C11orf65: variants seen among roughly 807,000 people sequenced by gnomAD.
C11orf65 encodes chromosome 11 open reading frame 65, also known as protein MFI.
A neutral mutation model predicts 35.3 loss-of-function variants in C11orf65; 38 were observed. The ratio of observed to expected loss-of-function variants is 1.08; its 90% CI spans 0.83 to 1.41. The LOEUF is 1.41. Among genes scored for constraint, C11orf65 ranks in the 40% most tolerant of loss-of-function variants. The pLI is 0.00. For missense variants in C11orf65, 370 were observed against 367.1 expected, an observed-to-expected ratio of 1.01 and a Z score of -0.06; for synonymous variants, 105 against 114.4, an observed-to-expected ratio of 0.92 and a Z score of 0.53.
intron 7 of C11orf65, among the ~76,000 whole-genome samples, chr11:108,392,388 T>C (rs1281931620): frequency 1.3e-5 from 2 of 148,960 alleles, no homozygotes; most frequent in African/African-American, 5.0e-5. Context: ...AGATCTATCA[T>C]ATTTCATTTA....
intron 3 of C11orf65, among the ~76,000 whole-genome samples, chr11:108,420,440 C>T (rs2092799185): frequency 6.6e-6 from 1 of 152,156 alleles, no homozygotes; most frequent in Admixed American, 6.6e-5. Flanking sequence ...AATACTGCCA[C>T]AATGGCTTCT....
chr11:108,433,707 A>C (rs1260356444), intron 2 of C11orf65, among the ~76,000 whole-genome samples: 1 of 152,120 alleles, frequency 6.6e-6, no homozygotes, highest in Non-Finnish European at 1.5e-5. Context: ...CATTGGTCAA[A>C]CTCAAGTCCT....
intron 3 of C11orf65, among the ~76,000 whole-genome samples, chr11:108,423,164 G>C (rs551776817): frequency 4.3e-4 from 65 of 152,232 alleles, no homozygotes; most frequent in Admixed American, 1.4e-3. Context: ...GCAGCCCTTT[G>C]GGCAGACACC....
chr11:108,416,862 C>T (rs1256127978), intron 3 of C11orf65, among the ~76,000 whole-genome samples: 3 of 152,106 alleles, frequency 2.0e-5, no homozygotes, highest in Admixed American at 6.6e-5. Context: ...ACTAAATGTA[C>T]TCTTACCATA....
chr11:108,468,928 A>AC (rs1466979559), upstream of C11orf65, among the ~76,000 whole-genome samples: 63 of 152,098 alleles, frequency 4.1e-4, no homozygotes, highest in Non-Finnish European at 3.1e-4. Flanking sequence ...ACATGGTGAA[A>AC]CCCCCTCTCT....
intron 2 of C11orf65, among the ~76,000 whole-genome samples, chr11:108,342,787 T>C (rs1450946007): frequency 2.6e-5 from 4 of 152,238 alleles, no homozygotes; most frequent in African/African-American, 9.6e-5. Context: ...AGAGTACATG[T>C]AATTTCAATA....
intron 1 of C11orf65, among the ~76,000 whole-genome samples, chr11:108,465,760 G>A (rs757695658): frequency 6.6e-6 from 1 of 151,834 alleles, no homozygotes; most frequent in Non-Finnish European, 1.5e-5. Flanking sequence ...CAAGGTGGGC[G>A]GATCATCTGA....
intron 1 of C11orf65, among the ~76,000 whole-genome samples, chr11:108,463,881 A>G (rs2093500991): frequency 6.6e-6 from 1 of 152,120 alleles, no homozygotes; most frequent in African/African-American, 2.4e-5. Flanking sequence ...TGTTAGCACA[A>G]ATGAGATTAA....
At chr11:108,453,178 A>T (rs945713816) in intron 2 of C11orf65, among the ~76,000 whole-genome samples, 8 of 151,860 alleles carry the variant, frequency 5.3e-5, no homozygotes, top group Non-Finnish European at 1.0e-4. Context: ...AAAAAAAAGA[A>T]AGGGAAAATA....
At chr11:108,337,089 A>G (rs2086936619) in intron 2 of C11orf65, among the ~76,000 whole-genome samples, 2 of 152,168 alleles carry the variant, frequency 1.3e-5, no homozygotes, top group Admixed American at 1.3e-4. Flanking sequence ...AGGGGAGTGA[A>G]GAAGAATAAA....
At chr11:108,374,862 C>T (rs531919330) in intron 2 of C11orf65, among the ~76,000 whole-genome samples, 241 of 151,934 alleles carry the variant, frequency 1.6e-3, no homozygotes, top group African/African-American at 5.3e-3. Flanking sequence ...GGAGCTGATG[C>T]GATCAACTGG....
chr11:108,356,614 T>G (rs1443355390), intron 2 of C11orf65, among the ~76,000 whole-genome samples: 1 of 152,032 alleles, frequency 6.6e-6, no homozygotes, highest in Non-Finnish European at 1.5e-5. Context: ...TCTTTAGTAT[T>G]TTACTCTACC....
intron 2 of C11orf65, among the ~76,000 whole-genome samples, chr11:108,446,901 A>C (rs2093270995): frequency 6.6e-6 from 1 of 152,178 alleles, no homozygotes; most frequent in African/African-American, 2.4e-5. Flanking sequence ...TCATGTGCAG[A>C]GACACACATA....
Position 108,382,869 on chromosome 11 carries a change from C to T in C11orf65, c.*152G>A. ...TGATCATTGTATTCAGTCCAGTGTT[C>T]TATTTCTGCTCAATCTTCCTTACTT... On this transcript the variant is annotated 3_prime_UTR_variant, in exon 9 of 9. Coordinates refer to ENST00000393084, the MANE Select transcript of C11orf65 (RefSeq NM_152587.5). 6.7e-7 allele frequency: 1 copy of T among 1,492,250 alleles called. No individual in the cohort carries two copies. The highest frequency in any genetic ancestry group is 8.8e-7 in the Non-Finnish European group (1 of 1,131,388). 92.4% of individuals were successfully genotyped at this position (1,492,250 alleles called of 1,614,324 possible).
intron 2 of C11orf65, among the ~76,000 whole-genome samples, chr11:108,371,001 T>C (rs2091559014): frequency 6.6e-6 from 1 of 152,126 alleles, no homozygotes; most frequent in Non-Finnish European, 1.5e-5. Flanking sequence ...ATTATAATTC[T>C]CCGGTGAGAA....
intron 2 of C11orf65, among the ~76,000 whole-genome samples, chr11:108,371,411 CT>C (rs758260319): frequency 2.0e-5 from 3 of 152,218 alleles, no homozygotes; most frequent in Admixed American, 6.5e-5. Flanking sequence ...CCCCTGAGAA[CT>C]ACTGTTCTAC....
At chr11:108,357,591 G>C (rs903265520) in intron 2 of C11orf65, among the ~76,000 whole-genome samples, 2 of 152,196 alleles carry the variant, frequency 1.3e-5, no homozygotes, top group Non-Finnish European at 2.9e-5. Flanking sequence ...CACGCAGCTG[G>C]AGATCGGACA....
downstream of C11orf65, chr11:108,328,989 A>G (rs770359985): frequency 5.7e-6 from 9 of 1,578,900 alleles, no homozygotes; most frequent in Admixed American, 1.2e-4. Context: ...GTATTTGTAA[A>G]TATAATTTAA....
At chr11:108,408,618 G>GGT (rs2092590489) in intron 3 of C11orf65, among the ~76,000 whole-genome samples, 1 of 149,736 alleles carries the variant, frequency 6.7e-6, no homozygotes, top group Non-Finnish European at 1.5e-5. Context: ...GGAGGCTTCA[G>GGT]TGAGCAGAGA....
Sources: allele counts gnomAD v4.1 joint callset (sites outside exome capture counted in the v4.1 genomes callset), GRCh38; gene constraint gnomAD v4.1.1; transcripts MANE v1.5; gene names NCBI Gene and HGNC (gene_info 2026-07-23, HGNC 2026-07-21).